The following FAM149A variants were observed in gnomAD, a reference collection of about 807,000 sequenced individuals.
The protein encoded by FAM149A is family with sequence similarity 149 member A.
In FAM149A, 71 loss-of-function variants were observed where a neutral mutation model predicts 78.2. That is an observed-to-expected ratio of 0.91 (90% CI 0.75 to 1.11). The LOEUF is 1.11. FAM149A is among the 50% of genes least tolerant of loss of function. The pLI, the probability that FAM149A is intolerant of heterozygous loss-of-function variation, is 0.00. For missense variants in FAM149A, 1,036 were observed against 971.0 expected (o/e 1.07, Z -0.89); for synonymous variants, 446 against 410.5 (o/e 1.09, Z -1.04).
chr4:186,138,973 G>C (rs1277091877), intron 1 of FAM149A, among the ~76,000 whole-genome samples: 34 of 152,204 alleles, frequency 2.2e-4, no homozygotes, highest in Admixed American at 2.2e-3. Context: ...CACTGGGGTA[G>C]AGTTCTTCTG....
intron 1 of FAM149A, chr4:186,110,246 C>T: frequency 3.0e-6 from 3 of 985,348 alleles, no homozygotes; most frequent in Non-Finnish European, 3.6e-6. Context: ...GTTTAAATGT[C>T]TTTCTTGAAG....
chr4:186,172,267 A>G lies in FAM149A; in HGVS notation c.*280A>G, dbSNP rs1413366939. Reference sequence around the variant, plus strand: ...GTGTTTGCAGTCCGTCATTTTATCAATGATACGCAAACATAATTAGCATGT... The same window carrying G: ...GTGTTTGCAGTCCGTCATTTTATCAGTGATACGCAAACATAATTAGCATGT... On this transcript the variant is annotated 3_prime_UTR_variant, in exon 14 of 14. Coordinates refer to ENST00000389354, the MANE Select transcript of FAM149A (RefSeq NM_001367768.3). 1.8e-5 allele frequency: 6 copies of G among 331,404 alleles called. No homozygotes were observed. Among genetic ancestry groups the G allele is most frequent in the East Asian group, 5.1e-5 (1 of 19,576 alleles). 20.5% of individuals were successfully genotyped at this position (331,404 alleles called of 1,614,324 possible).
chr4:186,109,551 T>C (rs1023220901), intron 1 of FAM149A: 130 of 985,298 alleles, frequency 1.3e-4, no homozygotes, highest in Non-Finnish European at 1.4e-4. Flanking sequence ...AGGTCATTCA[T>C]TTCTTCCCTA....
chr4:186,172,305 A>C lies in FAM149A; in HGVS notation c.*318A>C, dbSNP rs371694534. 8 of 218,224 alleles carry C rather than the reference A, an allele frequency of 3.7e-5. 1 individual carries two copies. Among genetic ancestry groups the C allele is most frequent in the African/African-American group, 1.1e-4 (5 of 43,686 alleles). The allele number at this position is 218,224 out of a possible 1,614,324, so 13.5% of individuals were successfully genotyped here. ...ATAATTAGCATGTGTATGTACTCACACACTAATTACATGTAAGAATATATT... is the reference window on the plus strand; with the variant it reads ...ATAATTAGCATGTGTATGTACTCACCCACTAATTACATGTAAGAATATATT... On this transcript the variant is annotated 3_prime_UTR_variant, in exon 14 of 14. Coordinates refer to ENST00000389354, the MANE Select transcript of FAM149A (RefSeq NM_001367768.3).
chr4:186,120,364 A>G (rs2099315449), intron 1 of FAM149A, among the ~76,000 whole-genome samples: 1 of 152,232 alleles, frequency 6.6e-6, no homozygotes, highest in Non-Finnish European at 1.5e-5. Flanking sequence ...TCTTCCACAC[A>G]TAGGTATAAC....
intron 1 of FAM149A, chr4:186,125,319 G>T (rs2099317846): frequency 1.0e-6 from 1 of 985,210 alleles, no homozygotes; most frequent in Non-Finnish European, 1.2e-6. Context: ...CTTTCTCGTT[G>T]GATGAACACA....
chr4:186,150,457 T>C (rs1372594367), intron 3 of FAM149A, among the ~76,000 whole-genome samples: 1 of 128,488 alleles, frequency 7.8e-6, no homozygotes, highest in Non-Finnish European at 1.7e-5. Flanking sequence ...TCTCGCTCTG[T>C]CGCCCAGGCT....
In FAM149A at chr4:186,117,615, CG is replaced by C. The variant is rs540163402; in HGVS notation, c.566+11974del. The C allele has an allele frequency of 2.7e-4, 262 of 985,370 alleles. No individual in the cohort carries two copies. In the African/African-American group the frequency reaches 4.2e-3, roughly 16 times the overall value. 61.0% of individuals were successfully genotyped at this position (985,370 alleles called of 1,614,324 possible). ...GCCGTGGAGGCCCAGAGCCACATGG[CG>C]TGAGGCTTTCCATTTGTTAGGAGCA... On this transcript the variant is annotated intron_variant, in intron 1 of 13. Transcript: ENST00000389354.
At chr4:186,108,341 C>T (rs1302681155) in intron 1 of FAM149A, among the ~76,000 whole-genome samples, 1 of 151,878 alleles carries the variant, frequency 6.6e-6, no homozygotes, top group Non-Finnish European at 1.5e-5. Flanking sequence ...TAAAGGAAAA[C>T]CCTATTAGCA....
intron 1 of FAM149A, among the ~76,000 whole-genome samples, chr4:186,147,684 T>A (rs1733166438): frequency 6.6e-6 from 1 of 152,086 alleles, no homozygotes; most frequent in Non-Finnish European, 1.5e-5. Context: ...TCAAAACAAA[T>A]CTATTTGATG....
chr4:186,155,543 TATA>T (rs763298826), intron 6 of FAM149A, among the ~76,000 whole-genome samples: 6 of 152,096 alleles, frequency 3.9e-5, no homozygotes, highest in East Asian at 1.9e-4. Context: ...AATCAAAAAA[TATA>T]ATGAGACAAA....
Position 186,136,956 on chromosome 4 carries a change from C to CTT in FAM149A, c.567-12216_567-12215insTT, listed in dbSNP as rs1561396234. ...GATTGATCTCTCTCTCTCTCTCTCT[C>CTT]TCTCTCTTTCTCTCTCTCTTTCTCT... On this transcript the variant is annotated intron_variant, in intron 1 of 13. Coordinates refer to ENST00000389354, the MANE Select transcript of FAM149A (RefSeq NM_001367768.3). Among the ~76,000 whole-genome samples, 76 of 105,670 alleles carry CTT rather than the reference C, an allele frequency of 7.2e-4. 2 individuals are homozygous for CTT. Among genetic ancestry groups the CTT allele is most frequent in the African/African-American group, 1.6e-3 (37 of 23,468 alleles). The allele number at this position is 105,670 out of a possible 152,430, so 69.3% of individuals were successfully genotyped here.
At chr4:186,123,583 G>A (rs979165165) in intron 1 of FAM149A, among the ~76,000 whole-genome samples, 6 of 152,206 alleles carry the variant, frequency 3.9e-5, no homozygotes, top group Non-Finnish European at 5.9e-5. Context: ...TTGCAAGCTC[G>A]GTGTTTTTTG....
chr4:186,142,895 T>C (rs560389218), intron 1 of FAM149A, among the ~76,000 whole-genome samples: 1 of 152,284 alleles, frequency 6.6e-6, no homozygotes, highest in East Asian at 1.9e-4. Flanking sequence ...GTTGATTTAA[T>C]CTACATTTGG....
At chr4:186,121,321 A>G (rs547558999) in intron 1 of FAM149A, among the ~76,000 whole-genome samples, 1 of 152,320 alleles carries the variant, frequency 6.6e-6, no homozygotes, top group African/African-American at 2.4e-5. Flanking sequence ...TTATAATTAA[A>G]TATTGACAAC....
At position 186,156,061 on chromosome 4, in the gene FAM149A, CT is replaced by C. The variant is rs1362378328; in HGVS notation, c.1293del (p.Pro432LeufsTer26). On this transcript the variant is annotated frameshift_variant, in exon 7 of 14. Transcript: ENST00000389354. LOFTEE classifies it high-confidence loss of function. ...CGGTAGGAAATGGCGCAAACTCGGA[CT>C]TCCTCCTGTTTCCCCGCGTGACTGT... 20 of 1,613,784 alleles carry C rather than the reference CT, an allele frequency of 1.2e-5. No homozygotes were observed. Among genetic ancestry groups the C allele is most frequent in the Admixed American group, 3.3e-5 (2 of 59,984 alleles).
At chr4:186,166,917 T>G in intron 11 of FAM149A, 51 bp from the exon 12 acceptor site, 1 of 1,568,804 alleles carries the variant, frequency 6.4e-7, no homozygotes, top group Non-Finnish European at 8.7e-7. Flanking sequence ...TTCTTTTGTG[T>G]TTTTAAGGAT....
chr4:186,151,066 G>T, intron 3 of FAM149A: 1 of 985,146 alleles, frequency 1.0e-6, no homozygotes, highest in Non-Finnish European at 1.2e-6. Context: ...GCTTCTGTCC[G>T]CAGCTGTGCA....
chr4:186,128,201 C>T (rs1286042799), intron 1 of FAM149A, among the ~76,000 whole-genome samples: 1 of 151,940 alleles, frequency 6.6e-6, no homozygotes, highest in African/African-American at 2.4e-5. Context: ...GTTAGCCAGG[C>T]TGGTCTCGAA....
Sources: allele counts gnomAD v4.1 joint callset (sites outside exome capture counted in the v4.1 genomes callset), GRCh38; gene constraint gnomAD v4.1.1; transcripts MANE v1.5; gene names NCBI Gene and HGNC (gene_info 2026-07-23, HGNC 2026-07-21).